HIVEP3: variants seen among roughly 807,000 people sequenced by gnomAD.
HIVEP3 encodes transcription factor HIVEP3.
A neutral mutation model predicts 152.8 loss-of-function variants in HIVEP3; 49 were observed. The observed-to-expected ratio is 0.32, with a 90% CI of 0.26 to 0.41. The LOEUF (loss-of-function observed/expected upper bound fraction) is 0.41, where lower values mean the gene tolerates loss of function less well. Among genes scored for constraint, HIVEP3 ranks in the 10% least tolerant of loss-of-function variants. The pLI, the probability that HIVEP3 is intolerant of heterozygous loss-of-function variation, is 1.00. For missense variants in HIVEP3, 2,790 were observed against 3,103.3 expected (o/e 0.90, Z 2.40); for synonymous variants, 1,269 against 1,289.0 (o/e 0.98, Z 0.33).
intron 1 of HIVEP3, among the ~76,000 whole-genome samples, chr1:42,011,466 A>G (rs1324358250): frequency 2.0e-5 from 3 of 152,248 alleles, no homozygotes; most frequent in Non-Finnish European, 4.4e-5. Context: ...ATTTCCAGGT[A>G]AACTCAGTTA....
intron 2 of HIVEP3, among the ~76,000 whole-genome samples, chr1:41,687,664 G>T (rs7518983): frequency 6.6e-6 from 1 of 152,190 alleles, no homozygotes. Context: ...CAGAGTCCCC[G>T]GTGCCCCTTC....
chr1:41,969,457 G>A (rs930513692), intron 1 of HIVEP3, among the ~76,000 whole-genome samples: 1 of 152,158 alleles, frequency 6.6e-6, no homozygotes, highest in Non-Finnish European at 1.5e-5. Flanking sequence ...AAGCAATGGG[G>A]ACAGAATTTC....
intron 3 of HIVEP3, among the ~76,000 whole-genome samples, chr1:41,609,347 A>G (rs1342059894): frequency 1.3e-5 from 2 of 152,220 alleles, no homozygotes; most frequent in Admixed American, 6.5e-5. Flanking sequence ...GAGGGTAGGA[A>G]CAGCCAGCCC....
intron 1 of HIVEP3, among the ~76,000 whole-genome samples, chr1:41,891,881 C>G (rs952803009): frequency 6.6e-6 from 1 of 152,148 alleles, no homozygotes; most frequent in Admixed American, 6.5e-5. Flanking sequence ...TGGGAAAAGG[C>G]AAGGAGTAAA....
rs570014158 is a variant in HIVEP3 at position 41,627,907 on chromosome 1, CCTTT to C, written c.-522+838_-522+841del. Among the ~76,000 whole-genome samples, 226 of 142,064 alleles carry C rather than the reference CCTTT, an allele frequency of 1.6e-3. 2 individuals are homozygous for C. Among genetic ancestry groups the C allele is most frequent in the African/African-American group, 5.1e-3 (205 of 39,910 alleles). 93.2% of individuals were successfully genotyped at this position (142,064 alleles called of 152,430 possible). ...CCCTCCCTCCCTCCCTTCCTTCCTT[CCTTT>C]GTCATACCAGGCACCCTCTTTCTAA... On this transcript the variant is annotated intron_variant, in intron 3 of 8. Coordinates refer to ENST00000372583, the MANE Select transcript of HIVEP3 (RefSeq NM_024503.5).
chr1:41,744,074 C>T (rs1191866121), intron 1 of HIVEP3, among the ~76,000 whole-genome samples: 1 of 151,838 alleles, frequency 6.6e-6, no homozygotes, highest in Non-Finnish European at 1.5e-5. Context: ...GAGTCTCACT[C>T]TGTCGCCGAT....
chr1:41,642,270 G>C (rs1355673793), intron 2 of HIVEP3, among the ~76,000 whole-genome samples: 1 of 152,228 alleles, frequency 6.6e-6, no homozygotes, highest in East Asian at 1.9e-4. Context: ...TCTCCTTAGA[G>C]AGTAATGTCT....
chr1:41,660,712 A>C (rs1339088149), intron 2 of HIVEP3, among the ~76,000 whole-genome samples: 1 of 152,218 alleles, frequency 6.6e-6, no homozygotes, highest in African/African-American at 2.4e-5. Flanking sequence ...AGGGCCCGCA[A>C]CTAGAAAAAA....
At chr1:41,730,695 A>G (rs1036468443) in intron 1 of HIVEP3, among the ~76,000 whole-genome samples, 3 of 152,242 alleles carry the variant, frequency 2.0e-5, no homozygotes, top group African/African-American at 7.2e-5. Flanking sequence ...CACAGGCCCA[A>G]CGTCAGGTGG....
intron 3 of HIVEP3, among the ~76,000 whole-genome samples, chr1:41,593,460 C>G (rs1644618073): frequency 6.6e-6 from 1 of 152,184 alleles, no homozygotes; most frequent in Non-Finnish European, 1.5e-5. Context: ...CCAGCTGTTT[C>G]TATTCCAAGA....
At chr1:41,902,997 A>C (rs1280247989) in intron 1 of HIVEP3, among the ~76,000 whole-genome samples, 1 of 152,254 alleles carries the variant, frequency 6.6e-6, no homozygotes, top group Non-Finnish European at 1.5e-5. Flanking sequence ...TAGAAGTCAA[A>C]GCATAAAAAA....
chr1:41,991,733 G>C (rs1645362919), intron 1 of HIVEP3, among the ~76,000 whole-genome samples: 1 of 150,320 alleles, frequency 6.7e-6, no homozygotes, highest in South Asian at 2.1e-4. Context: ...GATGAACATT[G>C]ATGCAAAAAT....
intron 1 of HIVEP3, among the ~76,000 whole-genome samples, chr1:41,722,731 A>G (rs1204553296): frequency 1.3e-5 from 2 of 152,174 alleles, no homozygotes; most frequent in African/African-American, 4.8e-5. Flanking sequence ...GCATTCTGAC[A>G]TGAGTCCAGG....
intron 1 of HIVEP3, among the ~76,000 whole-genome samples, chr1:41,850,177 T>C (rs900595363): frequency 2.6e-5 from 4 of 152,208 alleles, no homozygotes; most frequent in African/African-American, 9.7e-5. Context: ...CAGCTATTGC[T>C]GGTCCAGAGA....
intron 1 of HIVEP3, among the ~76,000 whole-genome samples, chr1:41,703,256 G>A (rs1338972204): frequency 6.6e-6 from 1 of 152,156 alleles, no homozygotes; most frequent in Non-Finnish European, 1.5e-5. Context: ...ATTCATTCTT[G>A]ATTCTCATTG....
In HIVEP3 at chr1:41,517,750, G is replaced by A. The variant is rs533267048; in HGVS notation, c.5470+652C>T. Among the ~76,000 whole-genome samples the A allele has an allele frequency of 2.3e-3, 343 of 152,308 alleles. 3 individuals carry two copies. In the South Asian group the frequency reaches 0.023, roughly 10 times the overall value. The stretch of plus-strand genomic sequence containing the variant: ...GTGCTCAGCCAGACCCACTGGCTTC[G>A]ACTCCTCTGCCCTGTCTTCTCAGAG... On this transcript the variant is annotated intron_variant, in intron 7 of 8. Transcript: ENST00000372583.
At chr1:41,874,532 A>T (rs1343317790) in intron 1 of HIVEP3, among the ~76,000 whole-genome samples, 2 of 152,152 alleles carry the variant, frequency 1.3e-5, no homozygotes, top group Non-Finnish European at 2.9e-5. Flanking sequence ...GCAGCTGCCA[A>T]ACGCTTTCCT....
chr1:42,017,462 C>T (rs543520575), intron 1 of HIVEP3, among the ~76,000 whole-genome samples: 19 of 152,210 alleles, frequency 1.2e-4, no homozygotes, highest in South Asian at 2.1e-4. Context: ...CCTTAATTCC[C>T]GCTTCTAGTC....
At chr1:41,719,982 C>T (rs547868588) in intron 1 of HIVEP3, among the ~76,000 whole-genome samples, 50 of 152,314 alleles carry the variant, frequency 3.3e-4, no homozygotes, top group African/African-American at 6.7e-4. Context: ...GAAGCTAAGA[C>T]GGAAGTGATT....
Sources: gnomAD v4.1 joint callset for allele counts (sites outside exome capture counted in the v4.1 genomes callset) on GRCh38, gnomAD v4.1.1 for gene constraint, MANE v1.5 for transcripts, NCBI Gene and HGNC (gene_info 2026-07-23, HGNC 2026-07-21) for gene names.